Variants in MAGI2 observed in about 807,000 individuals in gnomAD.
MAGI2 encodes membrane associated guanylate kinase, WW and PDZ domain containing 2.
MAGI2 carries 35 observed loss-of-function variants against 133.3 expected under a neutral mutation model. The ratio of observed to expected loss-of-function variants is 0.26; its 90% confidence interval spans 0.20 to 0.35. MAGI2 has a LOEUF of 0.35. Among genes scored for constraint, MAGI2 ranks in the 10% least tolerant of loss-of-function variants. The pLI is 1.00. For synonymous variants in MAGI2, 729 were observed against 710.6 expected (o/e 1.03, Z -0.41); for missense variants, 1,636 against 1,863.4 (o/e 0.88, Z 2.25).
intron 2 of MAGI2, among the ~76,000 whole-genome samples, chr7:78,687,596 G>A (rs1024006601): frequency 1.3e-5 from 2 of 152,036 alleles, no homozygotes; most frequent in African/African-American, 4.8e-5. Flanking sequence ...TATGTTGAAT[G>A]CATTAATAAT....
chr7:78,784,648 G>A (rs551052610), intron 2 of MAGI2, among the ~76,000 whole-genome samples: 9 of 152,152 alleles, frequency 5.9e-5, no homozygotes, highest in Admixed American at 5.2e-4. Flanking sequence ...GCTTTGCTGG[G>A]TTTCTCCACT....
At chr7:79,395,651 AT>A (rs1227926035) in intron 1 of MAGI2, among the ~76,000 whole-genome samples, 1 of 152,182 alleles carries the variant, frequency 6.6e-6, no homozygotes, top group African/African-American at 2.4e-5. Flanking sequence ...ACATTGAACC[AT>A]TTTTATTAAG....
chr7:78,967,410 AT>A, intron 2 of MAGI2, among the ~76,000 whole-genome samples: 1 of 151,814 alleles, frequency 6.6e-6, no homozygotes, highest in South Asian at 2.1e-4. Context: ...AGGTCTTTTT[AT>A]TGTGTCAATT....
At chr7:78,946,107 G>A (rs183459034) in intron 2 of MAGI2, among the ~76,000 whole-genome samples, 44 of 152,278 alleles carry the variant, frequency 2.9e-4, no homozygotes, top group African/African-American at 9.6e-4. Flanking sequence ...GACCATTGCT[G>A]TAGAAATATT....
chr7:78,360,066 G>GTAA (rs1792611995), intron 7 of MAGI2, among the ~76,000 whole-genome samples: 1 of 152,226 alleles, frequency 6.6e-6, no homozygotes, highest in Non-Finnish European at 1.5e-5. Flanking sequence ...GGATGAGGTA[G>GTAA]TAATGTATTT....
chr7:78,755,904 G>A (rs1416659978), intron 2 of MAGI2, among the ~76,000 whole-genome samples: 1 of 152,068 alleles, frequency 6.6e-6, no homozygotes, highest in Non-Finnish European at 1.5e-5. Context: ...TTTGCACTGT[G>A]GGTGCAAGAG....
chr7:79,111,863 T>C (rs938375517), intron 1 of MAGI2, among the ~76,000 whole-genome samples: 3 of 152,040 alleles, frequency 2.0e-5, no homozygotes, highest in African/African-American at 7.2e-5. Context: ...CAGACGGGGT[T>C]TCATCGTGTT....
intron 20 of MAGI2, among the ~76,000 whole-genome samples, chr7:78,099,912 T>A (rs1818053257): frequency 6.6e-6 from 1 of 152,180 alleles, no homozygotes; most frequent in Non-Finnish European, 1.5e-5. Context: ...GAGTGGGAAT[T>A]CCCACAAAGG....
intron 1 of MAGI2, among the ~76,000 whole-genome samples, chr7:79,082,948 T>C (rs1481253766): frequency 6.6e-6 from 1 of 151,872 alleles, no homozygotes; most frequent in East Asian, 1.9e-4. Context: ...CTGATGCTAT[T>C]ATAAATAAAA....
chr7:78,114,907 G>T (rs1583974702), intron 20 of MAGI2, among the ~76,000 whole-genome samples: 1 of 152,222 alleles, frequency 6.6e-6, no homozygotes, highest in Admixed American at 6.5e-5. Context: ...GGGTTCCTCT[G>T]TGGACACACT....
At chr7:79,118,556 G>A (rs891176007) in intron 1 of MAGI2, among the ~76,000 whole-genome samples, 1 of 152,076 alleles carries the variant, frequency 6.6e-6, no homozygotes, top group Non-Finnish European at 1.5e-5. Context: ...CATATTTGGG[G>A]AGAATAAATA....
chr7:79,151,905 A>AG (rs5885115), intron 1 of MAGI2, among the ~76,000 whole-genome samples: 1 of 151,140 alleles, frequency 6.6e-6, no homozygotes, highest in Non-Finnish European at 1.5e-5. Context: ...AAGTCCAGAA[A>AG]TTATGGTGTG....
At chr7:79,243,205 G>A (rs1047947170) in intron 1 of MAGI2, among the ~76,000 whole-genome samples, 1 of 152,184 alleles carries the variant, frequency 6.6e-6, no homozygotes. Flanking sequence ...TACAGCATCA[G>A]CTCACACATG....
chr7:78,709,553 C>T (rs1169076572), intron 2 of MAGI2, among the ~76,000 whole-genome samples: 1 of 152,160 alleles, frequency 6.6e-6, no homozygotes, highest in African/African-American at 2.4e-5. Context: ...GCCATCACTT[C>T]AGTTCACGTT....
intron 2 of MAGI2, among the ~76,000 whole-genome samples, chr7:78,711,584 C>G (rs543012903): frequency 7.3e-6 from 1 of 136,338 alleles, no homozygotes. Flanking sequence ...CAAAAATTTC[C>G]ATGATCAAGG....
In MAGI2 at chr7:78,621,583, C is replaced by T. The variant is rs1807744766; in HGVS notation, c.538+5537G>A. On this transcript the variant is annotated intron_variant, in intron 3 of 21. Transcript: ENST00000354212. The stretch of plus-strand genomic sequence containing the variant: ...ATGTTCTATATCAAATTCAAATGAG[C>T]CATTCAGAATTGGGGGGTGGAAGCA... Among the ~76,000 whole-genome samples the T allele has an allele frequency of 2.0e-5, 3 of 151,950 alleles. No individual in the cohort carries two copies. In the South Asian group the frequency reaches 6.2e-4, roughly 32 times the overall value.
chr7:79,043,815 TG>T (rs1410292618), intron 1 of MAGI2, among the ~76,000 whole-genome samples: 5 of 152,068 alleles, frequency 3.3e-5, no homozygotes, highest in Non-Finnish European at 7.4e-5. Flanking sequence ...GATAAATTCC[TG>T]GAAACATAAA....
chr7:78,455,837 A>AC (rs1357827883), intron 6 of MAGI2, among the ~76,000 whole-genome samples: 1 of 152,066 alleles, frequency 6.6e-6, no homozygotes, highest in Non-Finnish European at 1.5e-5. Context: ...AAAGGTTGAC[A>AC]CTAAGTCTAC....
chr7:78,978,843 C>G (rs148347240), intron 2 of MAGI2, among the ~76,000 whole-genome samples: 2 of 151,910 alleles, frequency 1.3e-5, no homozygotes, highest in Admixed American at 1.3e-4. Context: ...GCTCTGTACT[C>G]TAGTTGATAA....
Sources: gnomAD v4.1 joint callset for allele counts (sites outside exome capture counted in the v4.1 genomes callset) on GRCh38, gnomAD v4.1.1 for gene constraint, MANE v1.5 for transcripts, NCBI Gene and HGNC (gene_info 2026-07-23, HGNC 2026-07-21) for gene names.